The following ZMIZ1 variants were observed in gnomAD, a reference collection of about 807,000 sequenced individuals.
ZMIZ1 encodes the protein zinc finger MIZ-type containing 1, also known as zinc finger MIZ domain-containing protein 1.
Under a neutral mutation model 113.9 loss-of-function variants are expected in ZMIZ1, and 17 were observed. That is an observed-to-expected ratio of 0.15 (90% CI 0.10 to 0.22). The LOEUF is 0.22. ZMIZ1 is among the 10% of genes least tolerant of loss of function. The probability of loss-of-function intolerance (pLI) is 1.00; values close to 1 mark genes in which losing one functional copy is unlikely to be tolerated. For missense variants in ZMIZ1, 1,059 were observed against 1,477.8 expected (o/e 0.72, Z 4.65); for synonymous variants, 607 against 603.1 (o/e 1.01, Z -0.09).
chr10:79,118,098 G>A lies in ZMIZ1; in HGVS notation c.-336-817G>A, dbSNP rs1844135765. 6.6e-6 allele frequency among the ~76,000 whole-genome samples: 1 copy of A among 152,190 alleles called. No individual in the cohort carries two copies. Among genetic ancestry groups the A allele is most frequent in the African/African-American group, 2.4e-5 (1 of 41,448 alleles). ...TCACTCCAGCCTTGCCTTTCACCAT[G>A]GGAGGAACCCTTTCCCTCTCAGGGC... On this transcript the variant is annotated intron_variant, in intron 1 of 24. Transcript: ENST00000334512. The surrounding 1 kb of genome is among the most constrained non-coding windows in gnomAD (Gnocchi z 4.1).
intron 5 of ZMIZ1, among the ~76,000 whole-genome samples, chr10:79,202,898 C>T (rs1378834320): frequency 6.6e-6 from 1 of 152,230 alleles, no homozygotes; most frequent in Non-Finnish European, 1.5e-5. Flanking sequence ...AGATCTCAAG[C>T]TAGTCCTCCA....
intron 2 of ZMIZ1, among the ~76,000 whole-genome samples, chr10:79,123,088 A>G (rs1844368195): frequency 6.6e-6 from 1 of 152,232 alleles, no homozygotes; most frequent in African/African-American, 2.4e-5. Context: ...AGTCTGGGGC[A>G]GAGGTGAGAA....
At chr10:79,252,090 G>A (rs1298452446) in intron 7 of ZMIZ1, among the ~76,000 whole-genome samples, 1 of 152,102 alleles carries the variant, frequency 6.6e-6, no homozygotes, top group Non-Finnish European at 1.5e-5. Flanking sequence ...AATGGAGGAA[G>A]GTCTTCCACC....
chr10:79,287,578 A>G (rs111463261), intron 8 of ZMIZ1, among the ~76,000 whole-genome samples: 1 of 152,244 alleles, frequency 6.6e-6, no homozygotes, highest in African/African-American at 2.4e-5. Context: ...ATAAATACAC[A>G]TACGACACCT....
rs1844134335 is a variant in ZMIZ1 at position 79,118,063 on chromosome 10, G to T, written c.-336-852G>T. Among the ~76,000 whole-genome samples, 1 of 152,212 alleles carries T rather than the reference G, an allele frequency of 6.6e-6. No homozygotes were observed. The highest frequency in any genetic ancestry group is 1.5e-5 in the Non-Finnish European group (1 of 68,034). On this transcript the variant is annotated intron_variant, in intron 1 of 24. Transcript: ENST00000334512. The surrounding 1 kb of genome is among the most constrained non-coding windows in gnomAD (Gnocchi z 4.1). ...GCCACACAGCCTCCATCCCTGAGGA[G>T]ATTTGGACTTCACTCCAGCCTTGCC...
Position 79,290,954 on chromosome 10 carries a change from C to T in ZMIZ1, c.541-5C>T. ...CTTAGGTGACAACCACTTCTCTGCC[C>T]ACAGGTCCTTGGGAACCCTATGGCC... On this transcript the variant is annotated splice_region_variant and splice_polypyrimidine_tract_variant and intron_variant, in intron 9 of 24. Transcript: ENST00000334512. 1.2e-6 allele frequency: 2 copies of T among 1,612,568 alleles called. No individual in the cohort carries two copies. Among genetic ancestry groups the T allele is most frequent in the Non-Finnish European group, 1.7e-6 (2 of 1,178,774 alleles).
At chr10:79,281,398 G>A (rs1852733115) in intron 8 of ZMIZ1, among the ~76,000 whole-genome samples, 2 of 152,174 alleles carry the variant, frequency 1.3e-5, no homozygotes, top group South Asian at 4.1e-4. Context: ...CCAGAGGATG[G>A]GAGTCTTGAA....
intron 7 of ZMIZ1, among the ~76,000 whole-genome samples, chr10:79,254,907 G>A (rs1850782721): frequency 6.6e-6 from 1 of 152,334 alleles, no homozygotes; most frequent in South Asian, 2.1e-4. Context: ...TCTTGCTGGG[G>A]AAGAAGGGCG....
At chr10:79,127,536 A>C (rs1267699678) in intron 2 of ZMIZ1, among the ~76,000 whole-genome samples, 4 of 138,236 alleles carry the variant, frequency 2.9e-5, no homozygotes, top group Non-Finnish European at 4.7e-5. Flanking sequence ...CCCCTGACTC[A>C]TGTCACCCTC....
At chr10:79,261,327 G>T (rs758173187) in intron 7 of ZMIZ1, among the ~76,000 whole-genome samples, 2 of 152,202 alleles carry the variant, frequency 1.3e-5, no homozygotes, top group African/African-American at 2.4e-5. Flanking sequence ...CCTACATTCC[G>T]TGTTAATTTT....
At chr10:79,306,436 T>C in intron 22 of ZMIZ1, 92 bp downstream of exon 22, 1 of 1,540,278 alleles carries the variant, frequency 6.5e-7, no homozygotes, top group Non-Finnish European at 8.7e-7. Context: ...GTGGCAGGGG[T>C]CGGGGGTGTG....
At chr10:79,137,773 G>A (rs1845069324) in intron 2 of ZMIZ1, among the ~76,000 whole-genome samples, 1 of 152,118 alleles carries the variant, frequency 6.6e-6, no homozygotes, top group Admixed American at 6.5e-5. Context: ...AGAGCCCAGA[G>A]GTCGTGAGGG....
intron 1 of ZMIZ1, among the ~76,000 whole-genome samples, chr10:79,101,279 G>C (rs1284923796): frequency 6.6e-6 from 1 of 152,296 alleles, no homozygotes; most frequent in East Asian, 1.9e-4. Flanking sequence ...GCTGGTGAAG[G>C]GGGCAACTGA....
rs894758661 is a variant in ZMIZ1 at position 79,296,927 on chromosome 10, T to C, written c.1413+274T>C. On this transcript the variant is annotated intron_variant, in intron 13 of 24. Coordinates refer to ENST00000334512, the MANE Select transcript of ZMIZ1 (RefSeq NM_020338.4). The surrounding 1 kb of genome is among the most constrained non-coding windows in gnomAD (Gnocchi z 4.1). ...CACTCACAAAATAATAAAGGAAATA[T>C]ATTTTATTAAAAAAACACACATCCC... 2 of 344,496 alleles carry C rather than the reference T, an allele frequency of 5.8e-6. No homozygotes were observed. The highest frequency in any genetic ancestry group is 1.0e-5 in the Non-Finnish European group (2 of 192,326). 21.3% of individuals were successfully genotyped at this position (344,496 alleles called of 1,614,324 possible).
intron 1 of ZMIZ1, among the ~76,000 whole-genome samples, chr10:79,077,126 G>A (rs1230881856): frequency 6.6e-6 from 1 of 152,162 alleles, no homozygotes; most frequent in African/African-American, 2.4e-5. Context: ...GAGCACACTA[G>A]GAAGAGCCAG....
intron 1 of ZMIZ1, among the ~76,000 whole-genome samples, chr10:79,114,788 C>G (rs1398025164): frequency 1.3e-5 from 2 of 152,082 alleles, no homozygotes; most frequent in African/African-American, 4.8e-5. Flanking sequence ...TTTGCCCCCT[C>G]TTAAAGCTTC....
At chr10:79,262,841 A>C (rs555617068) in intron 7 of ZMIZ1, among the ~76,000 whole-genome samples, 2 of 152,218 alleles carry the variant, frequency 1.3e-5, no homozygotes, top group African/African-American at 4.8e-5. Flanking sequence ...GTGGGCATCC[A>C]CTGGGCAATC....
intron 7 of ZMIZ1, among the ~76,000 whole-genome samples, chr10:79,231,242 GTTA>G (rs920004802): frequency 3.3e-5 from 5 of 152,216 alleles, no homozygotes; most frequent in African/African-American, 9.6e-5. Flanking sequence ...GAAGCTTGGA[GTTA>G]TTGTTTTTGT....
chr10:79,160,441 C>G (rs1158059594), intron 3 of ZMIZ1, among the ~76,000 whole-genome samples: 1 of 152,224 alleles, frequency 6.6e-6, no homozygotes, highest in African/African-American at 2.4e-5. Context: ...TGTGGAGAGC[C>G]ACTGGTGTCT....
Sources: allele counts gnomAD v4.1 joint callset (sites outside exome capture counted in the v4.1 genomes callset), GRCh38; gene constraint gnomAD v4.1.1; non-coding constraint Gnocchi (gnomAD v3.1); transcripts MANE v1.5; gene names NCBI Gene and HGNC (gene_info 2026-07-23, HGNC 2026-07-21).